ENTHD1: variants seen among roughly 807,000 people sequenced by gnomAD.
ENTHD1 encodes the protein ENTH domain-containing protein 1.
A neutral mutation model predicts 39.1 loss-of-function variants in ENTHD1; 23 were observed. The ratio of observed to expected loss-of-function variants is 0.59; its 90% CI spans 0.42 to 0.83. The LOEUF is 0.83. Among genes scored for constraint, ENTHD1 ranks in the 40% least tolerant of loss-of-function variants. The pLI is 0.00. For synonymous variants in ENTHD1, 230 were observed against 258.2 expected, an observed-to-expected ratio of 0.89 and a Z score of 1.05; for missense variants, 624 against 705.4, an observed-to-expected ratio of 0.88 and a Z score of 1.31.
At chr22:39,848,843 T>G (rs1212424990) in intron 3 of ENTHD1, among the ~76,000 whole-genome samples, 2 of 152,234 alleles carry the variant, frequency 1.3e-5, no homozygotes, top group African/African-American at 4.8e-5. Context: ...AATTTTCTTC[T>G]AAACGTTTCA....
At chr22:39,885,003 C>T (rs1176551765) in intron 2 of ENTHD1, among the ~76,000 whole-genome samples, 2 of 152,174 alleles carry the variant, frequency 1.3e-5, no homozygotes, top group Non-Finnish European at 2.9e-5. Context: ...AAAATAGATA[C>T]ATTGCACTTC....
intron 2 of ENTHD1, among the ~76,000 whole-genome samples, chr22:39,868,111 A>G (rs897038484): frequency 4.6e-5 from 7 of 152,012 alleles, no homozygotes; most frequent in African/African-American, 1.2e-4. Flanking sequence ...AAAAAAAAAA[A>G]TAGCCATCAA....
intron 5 of ENTHD1, among the ~76,000 whole-genome samples, chr22:39,796,946 C>G (rs2065555275): frequency 6.6e-6 from 1 of 152,144 alleles, no homozygotes; most frequent in Non-Finnish European, 1.5e-5. Context: ...GATGATCTGT[C>G]TAATCCTGAG....
intron 2 of ENTHD1, among the ~76,000 whole-genome samples, chr22:39,871,365 C>T (rs771938396): frequency 3.9e-5 from 6 of 152,112 alleles, no homozygotes; most frequent in Non-Finnish European, 8.8e-5. Flanking sequence ...GTGACTAACT[C>T]TCAGACATAT....
chr22:39,779,095 G>A (rs2065387553), intron 5 of ENTHD1, among the ~76,000 whole-genome samples: 1 of 152,062 alleles, frequency 6.6e-6, no homozygotes, highest in Non-Finnish European at 1.5e-5. Context: ...GAGGCAGGTG[G>A]ATCATGAGGT....
chr22:39,840,720 T>A (rs2065937055), intron 3 of ENTHD1, among the ~76,000 whole-genome samples: 1 of 152,212 alleles, frequency 6.6e-6, no homozygotes, highest in Non-Finnish European at 1.5e-5. Flanking sequence ...ATTTGGAACC[T>A]TGACTCCAAT....
intron 6 of ENTHD1, among the ~76,000 whole-genome samples, chr22:39,753,788 A>G (rs1019554456): frequency 3.9e-5 from 6 of 152,156 alleles, no homozygotes; most frequent in Admixed American, 3.9e-4. Flanking sequence ...AGAACATGTC[A>G]TCACTCAGTA....
intron 3 of ENTHD1, among the ~76,000 whole-genome samples, chr22:39,856,190 C>T (rs2066084102): frequency 6.7e-6 from 1 of 149,760 alleles, no homozygotes; most frequent in Admixed American, 6.8e-5. Context: ...AGGAGAACCA[C>T]TTGAACCTGG....
At chr22:39,864,784 C>A (rs1248687943) in intron 2 of ENTHD1, among the ~76,000 whole-genome samples, 1 of 152,174 alleles carries the variant, frequency 6.6e-6, no homozygotes, top group Admixed American at 6.5e-5. Context: ...CCCAACTACT[C>A]AGGTGGCTGA....
intron 4 of ENTHD1, among the ~76,000 whole-genome samples, chr22:39,824,935 T>C (rs62228550): frequency 0.08 from 12,245 of 152,326 alleles, 725 homozygotes; most frequent in Non-Finnish European, 0.13. Context: ...AACAAGGTTA[T>C]TATCTACCCC....
intron 6 of ENTHD1, among the ~76,000 whole-genome samples, chr22:39,763,799 T>G (rs1252638885): frequency 2.0e-5 from 3 of 152,168 alleles, no homozygotes; most frequent in Non-Finnish European, 4.4e-5. Flanking sequence ...TAAGTGTACT[T>G]GGTACACTCA....
chr22:39,794,179 T>C (rs905836208), intron 5 of ENTHD1, among the ~76,000 whole-genome samples: 1 of 152,334 alleles, frequency 6.6e-6, no homozygotes, highest in African/African-American at 2.4e-5. Context: ...TTTCACCGCC[T>C]TGGTTAAAAT....
chr22:39,823,249 T>G (rs1326972591), intron 4 of ENTHD1, among the ~76,000 whole-genome samples: 1 of 152,156 alleles, frequency 6.6e-6, no homozygotes, highest in Non-Finnish European at 1.5e-5. Flanking sequence ...TGTAACATAG[T>G]TTAACCTGTT....
At chr22:39,848,284 T>A (rs1172179465) in intron 3 of ENTHD1, among the ~76,000 whole-genome samples, 1 of 151,698 alleles carries the variant, frequency 6.6e-6, no homozygotes, top group Non-Finnish European at 1.5e-5. Flanking sequence ...AGACGGAGTC[T>A]CACTCTGTCA....
At chr22:39,765,157 C>T in intron 6 of ENTHD1, 66 bp downstream of exon 6, 4 of 1,452,516 alleles carry the variant, frequency 2.8e-6, no homozygotes, top group East Asian at 5.0e-5. Context: ...TAAAATAATG[C>T]TTCAAAAGAG....
At chr22:39,858,830 T>C (rs2066116663) in intron 3 of ENTHD1, among the ~76,000 whole-genome samples, 1 of 152,218 alleles carries the variant, frequency 6.6e-6, no homozygotes, top group African/African-American at 2.4e-5. Context: ...CAACTTAAAG[T>C]CACCAGTTGC....
intron 5 of ENTHD1, among the ~76,000 whole-genome samples, chr22:39,781,225 A>T (rs75918676): frequency 0.099 from 14,991 of 152,172 alleles, 864 homozygotes; most frequent in Middle Eastern, 0.13. Flanking sequence ...CTTCAGCACA[A>T]GGGCCGTTGT....
intron 3 of ENTHD1, among the ~76,000 whole-genome samples, chr22:39,839,521 T>A (rs542913186): frequency 6.6e-6 from 1 of 152,224 alleles, no homozygotes; most frequent in Non-Finnish European, 1.5e-5. Flanking sequence ...GTATGGTAGA[T>A]GCCAGAGATA....
intron 1 of ENTHD1, among the ~76,000 whole-genome samples, chr22:39,893,021 G>T (rs1174765268): frequency 6.6e-6 from 1 of 152,210 alleles, no homozygotes; most frequent in East Asian, 1.9e-4. Context: ...GGAGAAACAG[G>T]TGCACAAGAC....
Sources: gnomAD v4.1 joint callset for allele counts (sites outside exome capture counted in the v4.1 genomes callset) on GRCh38, gnomAD v4.1.1 for gene constraint, MANE v1.5 for transcripts, NCBI Gene and HGNC (gene_info 2026-07-23, HGNC 2026-07-21) for gene names.